Variants in RABGAP1L observed in about 807,000 individuals in gnomAD.
The protein encoded by RABGAP1L is RAB GTPase activating protein 1 like.
In RABGAP1L, 63 loss-of-function variants were observed where a neutral mutation model predicts 137.7. The ratio of observed to expected loss-of-function variants is 0.46; its 90% CI spans 0.37 to 0.56. The LOEUF is 0.56. Ranked by LOEUF, RABGAP1L falls within the 20% of genes least tolerant of loss-of-function variation. The pLI is 0.00. For missense variants in RABGAP1L, 1,095 were observed against 1,244.0 expected (o/e 0.88, Z 1.80); for synonymous variants, 431 against 433.7 (o/e 0.99, Z 0.08).
intron 12 of RABGAP1L, among the ~76,000 whole-genome samples, chr1:174,390,763 A>G (rs1377897332): frequency 6.6e-6 from 1 of 152,128 alleles, no homozygotes; most frequent in Non-Finnish European, 1.5e-5. Context: ...GGCAAAAATA[A>G]TTCCTAGGTT....
rs921236184 is a variant in RABGAP1L at position 174,850,130 on chromosome 1, G to C, written c.2340+38170G>C. 14 of 481,732 alleles carry C rather than the reference G, an allele frequency of 2.9e-5. 1 individual carries two copies. The highest frequency in any genetic ancestry group is 4.6e-5 in the Non-Finnish European group (11 of 240,412). The allele number at this position is 481,732 out of a possible 1,614,324, so 29.8% of individuals were successfully genotyped here. A position where few individuals can be genotyped will look rare whatever the true frequency, so the allele number is the denominator to read the frequency against. On this transcript the variant is annotated intron_variant, in intron 19 of 25. Transcript: ENST00000681986. ...TTTCCCATTCCTCTCAGTTCTCTAG[G>C]TTGAAATTCCTGATCCTGCGAGTCA...
At chr1:174,948,845 G>A (rs567272085) in intron 19 of RABGAP1L, 2 of 152,134 alleles carry the variant, frequency 1.3e-5, no homozygotes, top group Non-Finnish European at 2.9e-5. Flanking sequence ...CTGGAGCAGA[G>A]ACCGGTTGTC....
chr1:174,433,758 C>A (rs572166428), intron 13 of RABGAP1L, among the ~76,000 whole-genome samples: 1 of 152,238 alleles, frequency 6.6e-6, no homozygotes, highest in Non-Finnish European at 1.5e-5. Context: ...TTCTTTATGG[C>A]ACATTGCTAC....
At chr1:174,676,261 T>C (rs1282487715) in intron 14 of RABGAP1L, among the ~76,000 whole-genome samples, 2 of 152,164 alleles carry the variant, frequency 1.3e-5, no homozygotes, top group African/African-American at 2.4e-5. Flanking sequence ...ATAGATTTGC[T>C]GAGTGTAGTT....
intron 12 of RABGAP1L, among the ~76,000 whole-genome samples, chr1:174,376,210 AAGAG>A (rs961234562): frequency 2.0e-5 from 3 of 151,388 alleles, no homozygotes; most frequent in South Asian, 2.1e-4. Flanking sequence ...GGAAGAAAGA[AAGAG>A]AAGGAAGGAA....
At chr1:174,292,613 ATACTC>A (rs770969979) in intron 10 of RABGAP1L, among the ~76,000 whole-genome samples, 54 of 151,952 alleles carry the variant, frequency 3.6e-4, no homozygotes, top group Non-Finnish European at 5.6e-4. Flanking sequence ...GTCACAGAGT[ATACTC>A]TATATGATTT....
intron 17 of RABGAP1L, among the ~76,000 whole-genome samples, chr1:174,702,960 G>T (rs1679768527): frequency 6.6e-6 from 1 of 152,048 alleles, no homozygotes; most frequent in African/African-American, 2.4e-5. Context: ...TAGATAAGAA[G>T]TGTATATTTT....
At chr1:174,721,520 G>A (rs975147534) in intron 17 of RABGAP1L, among the ~76,000 whole-genome samples, 6 of 152,142 alleles carry the variant, frequency 3.9e-5, no homozygotes, top group African/African-American at 1.4e-4. Context: ...AGTTGACAGA[G>A]AACAGATGCA....
intron 13 of RABGAP1L, among the ~76,000 whole-genome samples, chr1:174,563,572 A>G (rs958288659): frequency 6.6e-6 from 1 of 152,208 alleles, no homozygotes; most frequent in East Asian, 1.9e-4. Flanking sequence ...AATGTTTTCC[A>G]TGTAATAAAC....
chr1:174,275,883 G>A lies in RABGAP1L; in HGVS notation c.1104G>A (p.Met368Ile), dbSNP rs1674957730. ...GGAGAGCTTATGTCATCACTGGCAT[G>A]TGGAACCCCAATGCACCAGTATTTC... ...YDGRAYVITGMWNPNAPVFLA... is the reference protein window; with the variant it reads ...YDGRAYVITGIWNPNAPVFLA... Residue 368 changes from methionine (M) to isoleucine (I), a missense_variant, in exon 9 of 26, where the codon ATG becomes ATA. Around this residue, in one of 4 missense-constraint regions of RABGAP1L, gnomAD observed 112 missense variants for 157.3 expected, o/e 0.71. Transcript: ENST00000681986. 1.2e-6 allele frequency: 2 copies of A among 1,613,128 alleles called. No homozygotes were observed. The highest frequency in any genetic ancestry group is 3.3e-5 in the Admixed American group (2 of 59,974).
At chr1:174,935,984 CAA>C (rs58215269) in intron 19 of RABGAP1L, among the ~76,000 whole-genome samples, 1,576 of 43,118 alleles carry the variant, frequency 0.037, 1 homozygote, top group Middle Eastern at 0.14. Flanking sequence ...TCCATCTCAC[CAA>C]AAAAAAAAAA....
chr1:174,802,810 T>C (rs1367438253), intron 18 of RABGAP1L, among the ~76,000 whole-genome samples: 1 of 152,216 alleles, frequency 6.6e-6, no homozygotes, highest in Non-Finnish European at 1.5e-5. Context: ...GTTTAGCATG[T>C]GTACCAGGGG....
chr1:174,461,308 AG>A (rs145752208), intron 13 of RABGAP1L, among the ~76,000 whole-genome samples: 1,862 of 152,260 alleles, frequency 0.012, 46 homozygotes, highest in African/African-American at 0.043. Context: ...CACTGACCCC[AG>A]GCCTGGTATT....
intron 13 of RABGAP1L, among the ~76,000 whole-genome samples, chr1:174,605,588 C>G (rs4562683): frequency 0.21 from 31,892 of 151,986 alleles, 3,688 homozygotes; most frequent in Admixed American, 0.25. Context: ...TAATTGAAAT[C>G]TCTGTTGTTG....
chr1:174,323,767 A>G (rs767608085), intron 11 of RABGAP1L, among the ~76,000 whole-genome samples: 8 of 152,178 alleles, frequency 5.3e-5, no homozygotes, highest in Non-Finnish European at 1.0e-4. Context: ...AAAATCTACA[A>G]CTGGAAACCA....
intron 13 of RABGAP1L, among the ~76,000 whole-genome samples, chr1:174,611,796 G>T (rs1219072067): frequency 6.6e-6 from 1 of 152,120 alleles, no homozygotes; most frequent in African/African-American, 2.4e-5. Flanking sequence ...GGATTCCCAG[G>T]TATTTTATTC....
chr1:174,251,188 T>C (rs1436589597), intron 6 of RABGAP1L, among the ~76,000 whole-genome samples: 2 of 152,188 alleles, frequency 1.3e-5, no homozygotes. Flanking sequence ...ACTACGATCT[T>C]GTCAGCCACA....
At chr1:174,709,601 A>C (rs1680320356) in intron 17 of RABGAP1L, among the ~76,000 whole-genome samples, 1 of 152,236 alleles carries the variant, frequency 6.6e-6, no homozygotes, top group African/African-American at 2.4e-5. Flanking sequence ...TATTAGAAGG[A>C]AAACTAGCAA....
chr1:174,813,252 T>C (rs1413356034), intron 19 of RABGAP1L, among the ~76,000 whole-genome samples: 4 of 152,040 alleles, frequency 2.6e-5, no homozygotes, highest in Admixed American at 6.6e-5. Flanking sequence ...ACAGTGGAGA[T>C]AGAGATGGAG....
Sources: gnomAD v4.1 joint callset for allele counts (sites outside exome capture counted in the v4.1 genomes callset) on GRCh38, gnomAD v4.1.1 for gene constraint, gnomAD v4.1.1 regional missense constraint, MANE v1.5 for transcripts, NCBI Gene and HGNC (gene_info 2026-07-23, HGNC 2026-07-21) for gene names.